The following CAST variants were observed in gnomAD, a reference collection of about 807,000 sequenced individuals.
The protein encoded by CAST is MIR583 host.
Under a neutral mutation model 119.6 loss-of-function variants are expected in CAST, and 76 were observed. The observed-to-expected ratio is 0.64, with a 90% CI of 0.53 to 0.77. CAST has a LOEUF of 0.77. Ranked by LOEUF, CAST falls within the 30% of genes least tolerant of loss-of-function variation. The pLI is 0.00. For missense variants in CAST, 953 were observed against 946.5 expected (o/e 1.01, Z -0.09); for synonymous variants, 319 against 331.6 (o/e 0.96, Z 0.41).
the CAST span, among the ~76,000 whole-genome samples, chr5:96,068,789 G>T: frequency 1.3e-5 from 2 of 150,488 alleles, no homozygotes; most frequent in Non-Finnish European, 3.0e-5. Context: ...ATATACACAT[G>T]TGTGTATATG....
chr5:96,237,443 C>T, the CAST span, among the ~76,000 whole-genome samples: 1 of 152,024 alleles, frequency 6.6e-6, no homozygotes, highest in Non-Finnish European at 1.5e-5. Flanking sequence ...TTATTAGTTT[C>T]TAAAAATGGT....
chr5:96,476,459 T>C, the CAST span, among the ~76,000 whole-genome samples: 5 of 152,216 alleles, frequency 3.3e-5, no homozygotes, highest in Non-Finnish European at 7.3e-5. Flanking sequence ...AAAGTGATAC[T>C]AGGAATTATG....
the CAST span, among the ~76,000 whole-genome samples, chr5:96,053,675 A>G: frequency 6.6e-6 from 1 of 152,230 alleles, no homozygotes; most frequent in African/African-American, 2.4e-5. Flanking sequence ...GACTTTTCAC[A>G]GATACATTTC....
In CAST at chr5:96,746,421, C is replaced by A; in HGVS notation, c.1280C>A (p.Ala427Asp). The A allele has an allele frequency of 3.1e-6, 5 of 1,593,816 alleles. No individual in the cohort carries two copies. Among genetic ancestry groups the A allele is most frequent in the Non-Finnish European group, 4.3e-6 (5 of 1,161,458 alleles). The change falls in exon 17 of 32, where the codon GCC (alanine) becomes GAC (aspartate). Residue 427 changes from alanine (A) to aspartate (D), a missense_variant. Coordinates refer to ENST00000675179, the MANE Select transcript of CAST (RefSeq NM_001750.7). The part of the protein sequence containing the change: ...TIPSEYRLKP[A>D]TDKDGKPLLP... ...CCATCTGAGTACAGATTAAAACCAG[C>A]CACGGTAAATTTTTAGCCACAGTGC...
intron 4 of CAST, among the ~76,000 whole-genome samples, chr5:96,723,931 A>G (rs1758769492): frequency 6.6e-6 from 1 of 152,220 alleles, no homozygotes; most frequent in South Asian, 2.1e-4. Context: ...AGTACTATCA[A>G]AGGATTATAT....
At chr5:96,523,214 G>A (rs1385996998), upstream of CAST, among the ~76,000 whole-genome samples, 1 of 152,154 alleles carries the variant, frequency 6.6e-6, no homozygotes, top group Non-Finnish European at 1.5e-5. Flanking sequence ...TGCCTGGTGT[G>A]CCCACACATG....
chr5:96,512,129 T>G, the CAST span, among the ~76,000 whole-genome samples: 1 of 152,236 alleles, frequency 6.6e-6, no homozygotes, highest in Non-Finnish European at 1.5e-5. Context: ...TCAATAAATA[T>G]ATACTGAACA....
At chr5:96,313,794 T>A in the CAST span, among the ~76,000 whole-genome samples, 1 of 152,192 alleles carries the variant, frequency 6.6e-6, no homozygotes, top group East Asian at 1.9e-4. Context: ...ATTTTTTTTT[T>A]AATTTTGAGC....
chr5:96,517,635 T>C, the CAST span, among the ~76,000 whole-genome samples: 1 of 152,158 alleles, frequency 6.6e-6, no homozygotes, highest in Non-Finnish European at 1.5e-5. Context: ...AAGTTGACAG[T>C]GTGAAATGTG....
At chr5:96,544,569 A>C (rs1441460019) in intron 1 of CAST, among the ~76,000 whole-genome samples, 2 of 151,644 alleles carry the variant, frequency 1.3e-5, no homozygotes, top group South Asian at 2.1e-4. Context: ...GGATTAGATT[A>C]GTTGTAAATT....
the CAST span, among the ~76,000 whole-genome samples, chr5:95,975,872 A>G: frequency 2.6e-5 from 4 of 152,264 alleles, no homozygotes; most frequent in East Asian, 5.8e-4. Flanking sequence ...TCAGGATCCC[A>G]TTAAGTTAGC....
At chr5:96,058,848 G>C in the CAST span, among the ~76,000 whole-genome samples, 2 of 152,094 alleles carry the variant, frequency 1.3e-5, no homozygotes, top group Non-Finnish European at 2.9e-5. Context: ...AGAAATTAAA[G>C]TTACTCTTAT....
chr5:96,402,211 C>T, the CAST span, among the ~76,000 whole-genome samples: 2 of 152,140 alleles, frequency 1.3e-5, no homozygotes, highest in Admixed American at 6.5e-5. Flanking sequence ...AGTTAAAAAC[C>T]GTGTGTGATT....
the CAST span, among the ~76,000 whole-genome samples, chr5:96,096,302 A>T: frequency 1.3e-5 from 2 of 152,192 alleles, no homozygotes. Flanking sequence ...TTGTTCATTA[A>T]ATGAAATAAT....
At chr5:95,988,069 GC>G in the CAST span, among the ~76,000 whole-genome samples, 193 of 152,276 alleles carry the variant, frequency 1.3e-3, 2 homozygotes, top group African/African-American at 4.5e-3. Context: ...CACTACATTA[GC>G]TTTTGTCAGG....
chr5:96,712,490 T>C (rs1438426099), intron 3 of CAST, among the ~76,000 whole-genome samples: 1 of 152,056 alleles, frequency 6.6e-6, no homozygotes, highest in East Asian at 1.9e-4. Context: ...GCTACCATAC[T>C]TGGCTAATTT....
chr5:96,362,595 C>T, the CAST span, among the ~76,000 whole-genome samples: 2 of 152,186 alleles, frequency 1.3e-5, no homozygotes, highest in South Asian at 4.1e-4. Flanking sequence ...TGATGATGAG[C>T]ATTTTTTCAT....
At chr5:96,464,856 C>T in the CAST span, among the ~76,000 whole-genome samples, 3 of 151,976 alleles carry the variant, frequency 2.0e-5, no homozygotes, top group Admixed American at 6.6e-5. Context: ...AGCAAGTGCT[C>T]CCAAGTTGTT....
At chr5:96,588,192 C>CTTTCTTTTTTTT (rs1746892273) in intron 1 of CAST, among the ~76,000 whole-genome samples, 1 of 113,418 alleles carries the variant, frequency 8.8e-6, no homozygotes, top group Non-Finnish European at 1.7e-5. Context: ...TTCTTTCTTT[C>CTTTCTTTTTTTT]TTTCTTTTTT....
Sources: gnomAD v4.1 joint callset for allele counts (sites outside exome capture counted in the v4.1 genomes callset) on GRCh38, gnomAD v4.1.1 for gene constraint, MANE v1.5 for transcripts, NCBI Gene and HGNC (gene_info 2026-07-23, HGNC 2026-07-21) for gene names.